Variants in MYH15 observed in about 807,000 individuals in gnomAD.
MYH15 encodes the protein myosin heavy chain 15.
A neutral mutation model predicts 240.5 loss-of-function variants in MYH15; 227 were observed. The ratio of observed to expected loss-of-function variants is 0.94; its 90% CI spans 0.85 to 1.05. The LOEUF (loss-of-function observed/expected upper bound fraction) is 1.05, where lower values mean the gene tolerates loss of function less well. MYH15 is among the 50% of genes least tolerant of loss of function. The pLI is 0.00. For missense variants in MYH15, 2,217 were observed against 2,247.5 expected, an observed-to-expected ratio of 0.99 and a Z score of 0.27; for synonymous variants, 785 against 796.7, an observed-to-expected ratio of 0.99 and a Z score of 0.25.
intron 38 of MYH15, among the ~76,000 whole-genome samples, chr3:108,385,372 CG>C (rs895253345): frequency 6.6e-5 from 10 of 152,288 alleles, no homozygotes; most frequent in African/African-American, 2.4e-4. Context: ...AATTCTGATG[CG>C]GAGATAGCAA....
At chr3:108,464,953 C>T in intron 14 of MYH15, 139 bp from the exon 15 acceptor site, 1 of 702,682 alleles carries the variant, frequency 1.4e-6, no homozygotes, top group East Asian at 2.9e-5. Flanking sequence ...AGCAATCATC[C>T]ATTCAACAAA....
intron 5 of MYH15, 26 bp downstream of exon 5, chr3:108,499,429 A>G (rs375546331): frequency 2.1e-5 from 34 of 1,611,954 alleles, no homozygotes; most frequent in Non-Finnish European, 2.5e-5. Flanking sequence ...TTCAGGCCAA[A>G]AAAGAAAAAC....
intron 27 of MYH15, among the ~76,000 whole-genome samples, chr3:108,427,635 C>CACACAGAGAGAG (rs570359637): frequency 1.1e-3 from 156 of 146,736 alleles, no homozygotes; most frequent in Non-Finnish European, 1.8e-3. Flanking sequence ...CACACACACA[C>CACACAGAGAGAG]AGAGAGAGAG....
intron 21 of MYH15, among the ~76,000 whole-genome samples, chr3:108,453,164 A>C (rs903790096): frequency 6.6e-6 from 1 of 152,172 alleles, no homozygotes; most frequent in African/African-American, 2.4e-5. Context: ...ATCTTACTCA[A>C]GTTTACACAA....
chr3:108,389,912 G>A (rs2082411530), intron 37 of MYH15, among the ~76,000 whole-genome samples: 1 of 152,268 alleles, frequency 6.6e-6, no homozygotes, highest in South Asian at 2.1e-4. Context: ...AGGCAAGAAT[G>A]TGCCTAGCAC....
Position 108,391,928 on chromosome 3 carries a change from TGCC to T in MYH15, c.5260-1_5261del. 1 of 1,613,704 alleles carries T rather than the reference TGCC, an allele frequency of 6.2e-7. No individual in the cohort carries two copies. Among genetic ancestry groups the T allele is most frequent in the Non-Finnish European group, 8.5e-7 (1 of 1,179,812 alleles). On this transcript the variant is annotated splice_acceptor_variant and coding_sequence_variant, in exon 37 of 41. Coordinates refer to ENST00000693548, the MANE Select transcript of MYH15 (RefSeq NM_014981.3). LOFTEE classifies it high-confidence loss of function. ...TCTTCAGTTCTTCTGACAAGTTTGC[TGCC>T]TAGGGGGTTAAAAAAAGGGACTGAG...
chr3:108,391,823 C>T lies in MYH15; in HGVS notation c.5367G>A (p.Leu1789=). 1.9e-6 allele frequency: 3 copies of T among 1,614,062 alleles called. No homozygotes were observed. Among genetic ancestry groups the T allele is most frequent in the Non-Finnish European group, 2.5e-6 (3 of 1,179,992 alleles). The change falls in exon 37 of 41, where the codon CTG becomes CTA. Residue 1789 remains leucine, a synonymous_variant. Transcript: ENST00000693548. ...TCAGGGCCATCTGTTCAGCTTCAGC[C>T]AGCCTTTTCTGTAAGTCTGTAATTG... is the stretch of plus-strand genomic sequence containing the variant. ...EQTITDLQKR[L]AEAEQMALMG...
At chr3:108,443,067 G>C (rs1379368114) in intron 22 of MYH15, among the ~76,000 whole-genome samples, 1 of 152,062 alleles carries the variant, frequency 6.6e-6, no homozygotes, top group Non-Finnish European at 1.5e-5. Context: ...CTTTCCATCA[G>C]TAGGAAGAAT....
At chr3:108,544,619 G>A in the MYH15 span, among the ~76,000 whole-genome samples, 1 of 152,182 alleles carries the variant, frequency 6.6e-6, no homozygotes. Flanking sequence ...ATGGCTCAGG[G>A]TGACCTTGCT....
At position 108,459,383 on chromosome 3, in the gene MYH15, G is replaced by A. The variant is rs560378764; in HGVS notation, c.1999C>T (p.Pro667Ser). The change falls in exon 18 of 41, where the codon CCC becomes TCC. Residue 667 changes from proline to serine, a missense_variant. Coordinates refer to ENST00000693548, the MANE Select transcript of MYH15 (RefSeq NM_014981.3). ...TTACCTGGTATTTTGTTCACATTGG[G>A]ATTTATGCATCTCACAAAATGAGGT... is the stretch of plus-strand genomic sequence containing the variant. ...TAPHFVRCIN[P>S]NVNKIPGILD... 4 of 1,600,348 alleles carry A rather than the reference G, an allele frequency of 2.5e-6. No individual in the cohort carries two copies. In the East Asian group the frequency reaches 6.8e-5, roughly 27 times the overall value.
upstream of MYH15, among the ~76,000 whole-genome samples, chr3:108,533,007 A>G (rs1576286240): frequency 2.6e-5 from 4 of 151,744 alleles, no homozygotes; most frequent in South Asian, 4.2e-4. Context: ...AAGGTTTTCT[A>G]TGGGCCAGGG....
At chr3:108,506,043 G>A (rs756250135) in intron 1 of MYH15, among the ~76,000 whole-genome samples, 1 of 152,014 alleles carries the variant, frequency 6.6e-6, no homozygotes, top group Non-Finnish European at 1.5e-5. Context: ...ATCTCAGCAA[G>A]CAGCAGCTTG....
chr3:108,444,029 G>C (rs1331768439), intron 22 of MYH15, among the ~76,000 whole-genome samples: 3 of 143,600 alleles, frequency 2.1e-5, no homozygotes, highest in African/African-American at 5.2e-5. Context: ...GATAGCATTA[G>C]GAGATATACC....
At position 108,381,459 on chromosome 3, in the gene MYH15, A is replaced by G. The variant is rs1251217011; in HGVS notation, c.*86T>C. The G allele has an allele frequency of 3.9e-5, 57 of 1,446,524 alleles. No homozygotes were observed. The South Asian group carries it at 4.6e-4, about 12-fold the overall frequency. The allele number at this position is 1,446,524 out of a possible 1,614,324, so 89.6% of individuals were successfully genotyped here. On this transcript the variant is annotated 3_prime_UTR_variant, in exon 41 of 41. Transcript: ENST00000693548. ...AAGCAATTTAAACATGTTTTTAAAA[A>G]TGTTTCCATGCAACCTAAGTTTTTG...
chr3:108,510,059 C>G (rs149209550), intron 1 of MYH15, among the ~76,000 whole-genome samples: 191 of 152,264 alleles, frequency 1.3e-3, no homozygotes, highest in African/African-American at 4.3e-3. Flanking sequence ...ACAAACCCCA[C>G]CCACCAGTCT....
chr3:108,408,187 T>C (rs2082560405), intron 32 of MYH15, 93 bp downstream of exon 32: 6 of 1,374,878 alleles, frequency 4.4e-6, no homozygotes, highest in Non-Finnish European at 5.9e-6. Context: ...AACATTTGAA[T>C]ACGTGTCCTT....
intron 28 of MYH15, among the ~76,000 whole-genome samples, chr3:108,419,047 T>C (rs574458620): frequency 5.9e-5 from 9 of 152,300 alleles, no homozygotes; most frequent in Admixed American, 4.6e-4. Context: ...GCCACTCTGC[T>C]GGTCCAAAAA....
At chr3:108,520,266 C>T (rs1204429943) in intron 1 of MYH15, among the ~76,000 whole-genome samples, 6 of 152,168 alleles carry the variant, frequency 3.9e-5, no homozygotes, top group African/African-American at 1.2e-4. Flanking sequence ...TATGAATACA[C>T]CATCTTTTTC....
intron 37 of MYH15, among the ~76,000 whole-genome samples, chr3:108,390,819 T>A (rs187586162): frequency 6.6e-6 from 1 of 152,204 alleles, no homozygotes; most frequent in African/African-American, 2.4e-5. Flanking sequence ...TTATAAAGTA[T>A]GCAAATGATT....
Sources: gnomAD v4.1 joint callset for allele counts (sites outside exome capture counted in the v4.1 genomes callset) on GRCh38, gnomAD v4.1.1 for gene constraint, MANE v1.5 for transcripts, NCBI Gene and HGNC (gene_info 2026-07-23, HGNC 2026-07-21) for gene names.